The following HS6ST3 variants were observed in gnomAD, a reference collection of about 807,000 sequenced individuals.
The protein encoded by HS6ST3 is heparan-sulfate 6-O-sulfotransferase 3.
In HS6ST3, 12 loss-of-function variants were observed where a neutral mutation model predicts 36.7. The observed-to-expected ratio is 0.33, with a 90% confidence interval of 0.21 to 0.53. The LOEUF (loss-of-function observed/expected upper bound fraction) is 0.53, where lower values mean the gene tolerates loss of function less well. Ranked by LOEUF, HS6ST3 falls within the 20% of genes least tolerant of loss-of-function variation. The pLI is 0.95. For missense variants in HS6ST3, 584 were observed against 640.9 expected (o/e 0.91, Z 0.96); for synonymous variants, 240 against 257.5 (o/e 0.93, Z 0.65).
chr13:96,785,153 A>T (rs969654489), intron 1 of HS6ST3, among the ~76,000 whole-genome samples: 1 of 152,010 alleles, frequency 6.6e-6, no homozygotes, highest in East Asian at 1.9e-4. Context: ...TGGGCGACAG[A>T]GTGAGACCCT....
intron 1 of HS6ST3, among the ~76,000 whole-genome samples, chr13:96,748,671 T>C (rs1876623084): frequency 6.6e-6 from 1 of 152,132 alleles, no homozygotes; most frequent in African/African-American, 2.4e-5. Flanking sequence ...TGAGTGACTA[T>C]GCCTCAATGA....
intron 1 of HS6ST3, among the ~76,000 whole-genome samples, chr13:96,135,435 T>C (rs1266341644): frequency 6.6e-6 from 1 of 152,182 alleles, no homozygotes; most frequent in Non-Finnish European, 1.5e-5. Flanking sequence ...TTAAAAATCA[T>C]GTCATATGAG....
chr13:96,319,370 C>T (rs1040961340), intron 1 of HS6ST3, among the ~76,000 whole-genome samples: 2 of 152,182 alleles, frequency 1.3e-5, no homozygotes, highest in African/African-American at 4.8e-5. Flanking sequence ...TATGGATAGA[C>T]CACATTTTGC....
At chr13:96,710,587 A>G (rs936440572) in intron 1 of HS6ST3, among the ~76,000 whole-genome samples, 2 of 152,264 alleles carry the variant, frequency 1.3e-5, no homozygotes, top group African/African-American at 2.4e-5. Context: ...TTAAATACCT[A>G]CTTCAGCCAT....
At chr13:96,504,629 A>G (rs895548929) in intron 1 of HS6ST3, among the ~76,000 whole-genome samples, 6 of 152,184 alleles carry the variant, frequency 3.9e-5, no homozygotes, top group Non-Finnish European at 8.8e-5. Flanking sequence ...ATGGGGTATC[A>G]CAAACCTACT....
chr13:96,767,293 C>T (rs762198427), intron 1 of HS6ST3, among the ~76,000 whole-genome samples: 1 of 152,196 alleles, frequency 6.6e-6, no homozygotes, highest in Non-Finnish European at 1.5e-5. Flanking sequence ...GAATTATACA[C>T]CAATACACAA....
intron 1 of HS6ST3, among the ~76,000 whole-genome samples, chr13:96,604,862 A>T (rs927532853): frequency 2.0e-5 from 3 of 152,150 alleles, no homozygotes; most frequent in African/African-American, 7.2e-5. Context: ...TTTAAGGTTC[A>T]CGTGTCTGGG....
chr13:96,716,616 A>G (rs1032613624), intron 1 of HS6ST3, among the ~76,000 whole-genome samples: 3 of 151,698 alleles, frequency 2.0e-5, no homozygotes, highest in Non-Finnish European at 2.9e-5. Flanking sequence ...TCTATCAATC[A>G]TCTATCATCT....
Position 96,299,983 on chromosome 13 carries a change from C to G in HS6ST3, c.707+208414C>G, listed in dbSNP as rs1465871245. Among the ~76,000 whole-genome samples the G allele has an allele frequency of 9.8e-5, 14 of 143,374 alleles. No individual in the cohort carries two copies. In the East Asian group the frequency reaches 1.9e-3, roughly 19 times the overall value. The allele number at this position is 143,374 out of a possible 152,430, so 94.1% of individuals were successfully genotyped here. On this transcript the variant is annotated intron_variant, in intron 1 of 1. Transcript: ENST00000376705. ...AAAACGTACAATCATGGCGGAAGAG[C>G]AAAGGTGAAGCAGGCATGTCTTCAC...
chr13:96,740,437 C>A lies in HS6ST3; in HGVS notation c.708-92053C>A, dbSNP rs577243212. Reference sequence around the variant, plus strand: ...ACATTTTTAATCTTTGAATTGTATGCTTGTGTTATATATTTAAAACAATCA... The same window carrying A: ...ACATTTTTAATCTTTGAATTGTATGATTGTGTTATATATTTAAAACAATCA... On this transcript the variant is annotated intron_variant, in intron 1 of 1. Transcript: ENST00000376705. Among the ~76,000 whole-genome samples the A allele has an allele frequency of 2.0e-5, 3 of 152,230 alleles. No homozygotes were observed. In the South Asian group the frequency reaches 6.2e-4, roughly 32 times the overall value.
chr13:96,367,034 T>C (rs2055266525), intron 1 of HS6ST3, among the ~76,000 whole-genome samples: 1 of 152,210 alleles, frequency 6.6e-6, no homozygotes, highest in African/African-American at 2.4e-5. Context: ...AACCTCTTTT[T>C]CTTTATTAGT....
rs551960413 is a variant in HS6ST3, at chr13:96,760,225, T to C, written c.708-72265T>C. On this transcript the variant is annotated intron_variant, in intron 1 of 1. Transcript: ENST00000376705. ...TTTTTAAATTATAAGGATCTAAAGT[T>C]AGAAATAAAAGACTCCCTTCCTCAA... Among the ~76,000 whole-genome samples the C allele has an allele frequency of 5.9e-5, 9 of 152,156 alleles. No homozygotes were observed. The South Asian group carries it at 1.9e-3, about 32-fold the overall frequency.
At chr13:96,300,912 G>A (rs2139403515) in intron 1 of HS6ST3, among the ~76,000 whole-genome samples, 1 of 152,300 alleles carries the variant, frequency 6.6e-6, no homozygotes, top group South Asian at 2.1e-4. Flanking sequence ...AAAAATACCA[G>A]AAGTACCATT....
intron 1 of HS6ST3, among the ~76,000 whole-genome samples, chr13:96,453,438 C>T (rs770187785): frequency 1.3e-5 from 2 of 152,132 alleles, no homozygotes; most frequent in Non-Finnish European, 2.9e-5. Context: ...CTATCTTTAT[C>T]TTCTAAGACT....
chr13:96,686,319 G>A (rs577877761), intron 1 of HS6ST3, among the ~76,000 whole-genome samples: 9 of 152,110 alleles, frequency 5.9e-5, no homozygotes, highest in African/African-American at 2.2e-4. Context: ...CCACAGCAAT[G>A]TATTCATCCC....
rs189144323 is a variant in HS6ST3 at position 96,614,222 on chromosome 13, C to T, written c.708-218268C>T. The stretch of plus-strand genomic sequence containing the variant: ...CTGAGGCAGGAGAATGGCGAGAACC[C>T]GGGAGGCGGAGCTTGCAGTGAGCTG... On this transcript the variant is annotated intron_variant, in intron 1 of 1. Coordinates refer to ENST00000376705, the MANE Select transcript of HS6ST3 (RefSeq NM_153456.4). Among the ~76,000 whole-genome samples the T allele has an allele frequency of 5.8e-3, 830 of 143,092 alleles. 4 individuals carry two copies. Among genetic ancestry groups the T allele is most frequent in the African/African-American group, 0.02 (783 of 38,492 alleles). 93.9% of individuals were successfully genotyped at this position (143,092 alleles called of 152,430 possible). A position where few individuals can be genotyped will look rare whatever the true frequency, so the allele number is the denominator to read the frequency against.
chr13:96,821,697 G>T (rs1878538875), intron 1 of HS6ST3, among the ~76,000 whole-genome samples: 1 of 152,120 alleles, frequency 6.6e-6, no homozygotes, highest in Admixed American at 6.5e-5. Context: ...GACAATCTTT[G>T]TTTGAGACTT....
chr13:96,577,239 C>T lies in HS6ST3; in HGVS notation c.708-255251C>T, dbSNP rs138629579. ...GTCCATGTGTTCTCATTGTTGAACT[C>T]GCACTTATGAGTGAGAACATACAGT... On this transcript the variant is annotated intron_variant, in intron 1 of 1. Transcript: ENST00000376705. Among the ~76,000 whole-genome samples the T allele has an allele frequency of 7.2e-5, 11 of 152,230 alleles. No individual in the cohort carries two copies. In the East Asian group the frequency reaches 1.2e-3, roughly 16 times the overall value.
chr13:96,374,364 G>A (rs184250442), intron 1 of HS6ST3, among the ~76,000 whole-genome samples: 110 of 152,194 alleles, frequency 7.2e-4, no homozygotes, highest in African/African-American at 2.6e-3. Flanking sequence ...CAAACTTCAA[G>A]TCTTTTCCAG....
Sources: allele counts gnomAD v4.1 joint callset (sites outside exome capture counted in the v4.1 genomes callset), GRCh38; gene constraint gnomAD v4.1.1; transcripts MANE v1.5; gene names NCBI Gene and HGNC (gene_info 2026-07-23, HGNC 2026-07-21).